SIPA1L1: variants seen among roughly 807,000 people sequenced by gnomAD.
SIPA1L1 encodes the protein signal induced proliferation associated 1 like 1, also known as signal-induced proliferation-associated 1-like protein 1.
A neutral mutation model predicts 162.7 loss-of-function variants in SIPA1L1; 26 were observed. The observed-to-expected ratio is 0.16, with a 90% CI of 0.12 to 0.22. SIPA1L1 has a LOEUF of 0.22. Among genes scored for constraint, SIPA1L1 ranks in the 10% least tolerant of loss-of-function variants. The pLI, the probability that SIPA1L1 is intolerant of heterozygous loss-of-function variation, is 1.00. For synonymous variants in SIPA1L1, 829 were observed against 837.4 expected, an observed-to-expected ratio of 0.99 and a Z score of 0.17; for missense variants, 1,874 against 2,241.0, an observed-to-expected ratio of 0.84 and a Z score of 3.31.
intron 4 of SIPA1L1, among the ~76,000 whole-genome samples, chr14:71,543,444 A>G (rs2054653342): frequency 6.6e-6 from 1 of 152,140 alleles, no homozygotes; most frequent in Non-Finnish European, 1.5e-5. Context: ...TGTATATTTT[A>G]CTATGTAAGA....
intron 2 of SIPA1L1, among the ~76,000 whole-genome samples, chr14:71,363,686 T>C (rs2038014062): frequency 2.6e-5 from 4 of 152,236 alleles, no homozygotes. Flanking sequence ...CACAAATCAC[T>C]GATTAGTAAT....
At chr14:71,615,407 G>A (rs149429075) in intron 5 of SIPA1L1, among the ~76,000 whole-genome samples, 210 of 152,288 alleles carry the variant, frequency 1.4e-3, no homozygotes, top group Non-Finnish European at 2.5e-3. Flanking sequence ...TTTTAGAAGG[G>A]TCATCTGGCA....
At chr14:71,685,780 G>A in intron 13 of SIPA1L1, 149 bp downstream of exon 13, 1 of 1,035,836 alleles carries the variant, frequency 9.7e-7, no homozygotes, top group Non-Finnish European at 1.4e-6. Flanking sequence ...TTCAAAGCAT[G>A]GTAGTGTTCC....
At chr14:71,343,962 A>G (rs1594909619) in intron 2 of SIPA1L1, among the ~76,000 whole-genome samples, 1 of 152,242 alleles carries the variant, frequency 6.6e-6, no homozygotes. Context: ...TCCCTCTAGG[A>G]CAGAATATGC....
chr14:71,671,257 G>A lies in SIPA1L1; in HGVS notation c.2394G>A (p.Ser798=), dbSNP rs778904254. ...ATGCAGAAAATGCTGCTCATAAATC[G>A]GAGAAGTTTCGGGCCATGGCAACTC... ...VINAENAAHK[S]EKFRAMATRT... is the part of the protein sequence containing the mutation. Residue 798 remains serine (S), a synonymous_variant, in exon 11 of 24, where the codon TCG becomes TCA. Coordinates refer to ENST00000381232, the MANE Select transcript of SIPA1L1 (RefSeq NM_001386936.1). The A allele has an allele frequency of 8.7e-6, 14 of 1,614,108 alleles. No individual in the cohort carries two copies. Among genetic ancestry groups the A allele is most frequent in the African/African-American group, 2.7e-5 (2 of 75,002 alleles).
chr14:71,648,971 G>A (rs1351761812), intron 7 of SIPA1L1, among the ~76,000 whole-genome samples: 1 of 152,128 alleles, frequency 6.6e-6, no homozygotes, highest in Non-Finnish European at 1.5e-5. Flanking sequence ...TTTGCCTTGT[G>A]GGCTATTGTG....
intron 2 of SIPA1L1, among the ~76,000 whole-genome samples, chr14:71,435,070 G>A (rs146562548): frequency 3.8e-4 from 58 of 152,188 alleles, no homozygotes; most frequent in Middle Eastern, 3.4e-3. Flanking sequence ...TTATATGGAG[G>A]CATTTTTGGG....
At chr14:71,694,537 A>G (rs1254364059) in intron 13 of SIPA1L1, among the ~76,000 whole-genome samples, 1 of 152,164 alleles carries the variant, frequency 6.6e-6, no homozygotes, top group Non-Finnish European at 1.5e-5. Context: ...AGGAAGCCCC[A>G]GAGGATGTTT....
At chr14:71,708,114 A>T (rs1249902358) in intron 16 of SIPA1L1, among the ~76,000 whole-genome samples, 12 of 144,398 alleles carry the variant, frequency 8.3e-5, no homozygotes, top group Admixed American at 3.5e-4. Flanking sequence ...AAAGTTTTAA[A>T]TTTTTATGAA....
intron 5 of SIPA1L1, among the ~76,000 whole-genome samples, chr14:71,616,796 C>T (rs976220543): frequency 1.3e-5 from 2 of 152,124 alleles, no homozygotes; most frequent in African/African-American, 2.4e-5. Flanking sequence ...CCTGGAGAAA[C>T]GGAGAGAGTT....
At chr14:71,581,310 C>T (rs369603930) in intron 4 of SIPA1L1, among the ~76,000 whole-genome samples, 1 of 152,106 alleles carries the variant, frequency 6.6e-6, no homozygotes, top group East Asian at 1.9e-4. Flanking sequence ...GGATTACAGG[C>T]GTGAGCCACT....
intron 17 of SIPA1L1, among the ~76,000 whole-genome samples, chr14:71,710,111 C>T (rs2082752638): frequency 6.6e-6 from 1 of 152,194 alleles, no homozygotes; most frequent in South Asian, 2.1e-4. Context: ...CCTTTACGTG[C>T]CTCTCAAGCC....
At chr14:71,460,089 A>G (rs2046481120) in intron 2 of SIPA1L1, among the ~76,000 whole-genome samples, 1 of 152,234 alleles carries the variant, frequency 6.6e-6, no homozygotes, top group African/African-American at 2.4e-5. Context: ...AAAAGGAAAT[A>G]AAGATATTTT....
rs2140411744 is a variant in SIPA1L1, at chr14:71,340,719, T to C, written c.-465+19538T>C. 2.0e-5 allele frequency among the ~76,000 whole-genome samples: 3 copies of C among 152,246 alleles called. No individual in the cohort carries two copies. The South Asian group carries it at 6.2e-4, about 32-fold the overall frequency. ...GGCTTTACTGAGAAAAATTTGATGTTACCTGAGGTCAGGAGTTACCATCCT... is the reference window on the plus strand; with the variant it reads ...GGCTTTACTGAGAAAAATTTGATGTCACCTGAGGTCAGGAGTTACCATCCT... On this transcript the variant is annotated intron_variant, in intron 2 of 23. Transcript: ENST00000381232.
intron 2 of SIPA1L1, among the ~76,000 whole-genome samples, chr14:71,445,934 G>A (rs766155111): frequency 3.9e-5 from 6 of 152,072 alleles, no homozygotes; most frequent in Non-Finnish European, 8.8e-5. Context: ...CTGTAGCCAT[G>A]ACCTCCTTGG....
chr14:71,437,712 T>G (rs1468938731), intron 2 of SIPA1L1, among the ~76,000 whole-genome samples: 1 of 152,246 alleles, frequency 6.6e-6, no homozygotes, highest in Non-Finnish European at 1.5e-5. Context: ...TTACTCATCA[T>G]ACTACCTCTA....
chr14:71,631,707 A>G (rs1283493084), intron 7 of SIPA1L1, among the ~76,000 whole-genome samples: 1 of 152,200 alleles, frequency 6.6e-6, no homozygotes, highest in Non-Finnish European at 1.5e-5. Context: ...AGCATCTGTC[A>G]GGTTTTTTCT....
intron 2 of SIPA1L1, among the ~76,000 whole-genome samples, chr14:71,448,224 G>A (rs182795717): frequency 2.5e-3 from 373 of 151,984 alleles, no homozygotes; most frequent in Non-Finnish European, 4.3e-3. Flanking sequence ...CGCTTCCATC[G>A]CTTTCTTGGT....
At chr14:71,604,304 A>G (rs1046825362) in intron 5 of SIPA1L1, among the ~76,000 whole-genome samples, 1 of 151,740 alleles carries the variant, frequency 6.6e-6, no homozygotes, top group East Asian at 1.9e-4. Context: ...GCCTTAGCTA[A>G]TTTTTTTAAA....
Sources: allele counts gnomAD v4.1 joint callset (sites outside exome capture counted in the v4.1 genomes callset), GRCh38; gene constraint gnomAD v4.1.1; transcripts MANE v1.5; gene names NCBI Gene and HGNC (gene_info 2026-07-23, HGNC 2026-07-21).